Variants in UPF2 observed in about 807,000 individuals in gnomAD.
UPF2 encodes the protein UPF2 regulator of nonsense mediated mRNA decay, also known as regulator of nonsense transcripts 2.
In UPF2, 17 loss-of-function variants were observed where a neutral mutation model predicts 141.4. The observed-to-expected ratio is 0.12, with a 90% CI of 0.08 to 0.18. UPF2 has a LOEUF of 0.18. UPF2 is among the 10% of genes least tolerant of loss of function. The pLI, the probability that UPF2 is intolerant of heterozygous loss-of-function variation, is 1.00. For missense variants in UPF2, 1,152 were observed against 1,515.9 expected (o/e 0.76, Z 3.99); for synonymous variants, 540 against 498.0 (o/e 1.08, Z -1.12).
intron 2 of UPF2, among the ~76,000 whole-genome samples, chr10:12,031,621 T>C (rs917561566): frequency 6.6e-6 from 1 of 152,008 alleles, no homozygotes; most frequent in Non-Finnish European, 1.5e-5. Flanking sequence ...AAAAAAATTT[T>C]AAAAATTAGC....
Position 11,920,633 on chromosome 10 carries a change from TA to T in UPF2, c.*664del, listed in dbSNP as rs1018671265. The stretch of plus-strand genomic sequence containing the variant: ...TAGTCTCCACATTTTTCTTTTACCT[TA>T]ATAGGCAATTTTATAGCACTGACTC... On this transcript the variant is annotated 3_prime_UTR_variant, in exon 22 of 22. Transcript: ENST00000357604. 68 of 203,350 alleles carry T rather than the reference TA, an allele frequency of 3.3e-4. No individual in the cohort carries two copies. Among genetic ancestry groups the T allele is most frequent in the African/African-American group, 1.6e-3 (67 of 43,080 alleles). 12.6% of individuals were successfully genotyped at this position (203,350 alleles called of 1,614,324 possible). A position where few individuals can be genotyped will look rare whatever the true frequency, so the allele number is the denominator to read the frequency against.
At chr10:12,028,121 G>A (rs1834452656) in intron 3 of UPF2, among the ~76,000 whole-genome samples, 1 of 151,920 alleles carries the variant, frequency 6.6e-6, no homozygotes, top group African/African-American at 2.4e-5. Flanking sequence ...AACCAAAATT[G>A]GCCCCAAAGT....
At position 12,035,564 on chromosome 10, in the gene UPF2, G is replaced by T. The variant is rs112823707; in HGVS notation, c.-18-123C>A. ...AATTGTAAAAGAGTAAATAAAGGCA[G>T]GTAAAATGAATACTATTTCTGTTAC... is the stretch of plus-strand genomic sequence containing the variant. On this transcript the variant is annotated intron_variant, in intron 1 of 21. Coordinates refer to ENST00000357604, the MANE Select transcript of UPF2 (RefSeq NM_015542.4). 423 of 1,047,784 alleles carry T rather than the reference G, an allele frequency of 4.0e-4. 3 individuals are homozygous for T. In the African/African-American group the frequency reaches 5.7e-3, roughly 14 times the overall value. 64.9% of individuals were successfully genotyped at this position (1,047,784 alleles called of 1,614,324 possible). A position where few individuals can be genotyped will look rare whatever the true frequency, so the allele number is the denominator to read the frequency against.
At chr10:12,033,959 A>C (rs142114908) in intron 2 of UPF2, among the ~76,000 whole-genome samples, 1 of 152,324 alleles carries the variant, frequency 6.6e-6, no homozygotes, top group African/African-American at 2.4e-5. Context: ...TTTATTATTT[A>C]CTTGCACAGG....
At chr10:11,969,416 G>A (rs1476050287) in intron 9 of UPF2, among the ~76,000 whole-genome samples, 4 of 152,026 alleles carry the variant, frequency 2.6e-5, no homozygotes, top group East Asian at 1.9e-4. Flanking sequence ...TGATCCACCC[G>A]CCTCGGCCTC....
At chr10:11,938,874 T>G (rs954934960) in intron 18 of UPF2, among the ~76,000 whole-genome samples, 3 of 109,022 alleles carry the variant, frequency 2.8e-5, no homozygotes, top group East Asian at 7.7e-4. Context: ...TTTTTTTTTT[T>G]TTTTTTTTGG....
At chr10:12,031,906 C>A (rs532377490) in intron 2 of UPF2, among the ~76,000 whole-genome samples, 1 of 152,254 alleles carries the variant, frequency 6.6e-6, no homozygotes, top group South Asian at 2.1e-4. Context: ...AGAAAGGTGG[C>A]CTCTATCACT....
At chr10:12,041,833 T>C (rs978518324) in intron 1 of UPF2, among the ~76,000 whole-genome samples, 1 of 152,172 alleles carries the variant, frequency 6.6e-6, no homozygotes, top group African/African-American at 2.4e-5. Flanking sequence ...GGAAATGAGA[T>C]AAAGCGTCAG....
intron 15 of UPF2, among the ~76,000 whole-genome samples, chr10:11,951,654 G>C (rs953443697): frequency 6.6e-6 from 1 of 152,166 alleles, no homozygotes; most frequent in African/African-American, 2.4e-5. Flanking sequence ...CCAAACTTCT[G>C]ACAGGTACTC....
At chr10:12,033,474 A>G (rs1470117226) in intron 2 of UPF2, among the ~76,000 whole-genome samples, 11 of 152,146 alleles carry the variant, frequency 7.2e-5, no homozygotes, top group Non-Finnish European at 1.6e-4. Context: ...TCAAGGCTGC[A>G]GTGAGCTGGC....
chr10:11,927,212 T>A (rs1342485798), intron 21 of UPF2, among the ~76,000 whole-genome samples: 1 of 152,100 alleles, frequency 6.6e-6, no homozygotes, highest in East Asian at 1.9e-4. Flanking sequence ...GTCATCCAAC[T>A]CCATAGTGAG....
chr10:12,041,748 T>C (rs1198129030), intron 1 of UPF2, among the ~76,000 whole-genome samples: 1 of 152,180 alleles, frequency 6.6e-6, no homozygotes, highest in Non-Finnish European at 1.5e-5. Flanking sequence ...ATAAAGGACG[T>C]ATTAAGAACT....
intron 3 of UPF2, among the ~76,000 whole-genome samples, chr10:12,024,453 T>C (rs530315533): frequency 6.6e-6 from 1 of 151,290 alleles, no homozygotes; most frequent in South Asian, 2.1e-4. Context: ...CTACTAAAAA[T>C]ACAAAAATTA....
chr10:11,957,353 C>T (rs971105884), intron 12 of UPF2, among the ~76,000 whole-genome samples: 3 of 151,798 alleles, frequency 2.0e-5, no homozygotes, highest in East Asian at 2.0e-4. Context: ...CACTTGAACC[C>T]GGGAGGCAGA....
intron 3 of UPF2, among the ~76,000 whole-genome samples, chr10:12,025,125 G>T (rs1282536061): frequency 1.3e-5 from 2 of 152,010 alleles, no homozygotes; most frequent in African/African-American, 4.8e-5. Context: ...CTCTATAGTG[G>T]CTGCTCAAGT....
At position 12,014,184 on chromosome 10, in the gene UPF2, C is replaced by A; in HGVS notation, c.1146G>T (p.Arg382Ser). ...RELQNTERQN[R>S]RILHSKGELS... Reference sequence around the variant, plus strand: ...GCTCCCCTTTAGAATGTAGAATGCGCCTATAAACAAATGAAATCATCTGAC... The same window carrying A: ...GCTCCCCTTTAGAATGTAGAATGCGACTATAAACAAATGAAATCATCTGAC... Residue 382 changes from arginine (R) to serine (S), a missense_variant and splice_region_variant, in exon 4 of 22, where the codon AGG (arginine) becomes AGT (serine). Physicochemically the swap from Arg to Ser is moderately radical, Grantham distance 110. Transcript: ENST00000357604. The surrounding 1 kb of genome is among the most constrained non-coding windows in gnomAD (Gnocchi z 5.0). The A allele has an allele frequency of 7.1e-7, 1 of 1,409,878 alleles. No homozygotes were observed. Among genetic ancestry groups the A allele is most frequent in the Non-Finnish European group, 9.4e-7 (1 of 1,067,328 alleles). 87.3% of individuals were successfully genotyped at this position (1,409,878 alleles called of 1,614,324 possible).
At chr10:11,930,490 G>A (rs1445374312) in intron 20 of UPF2, among the ~76,000 whole-genome samples, 1 of 152,238 alleles carries the variant, frequency 6.6e-6, no homozygotes, top group African/African-American at 2.4e-5. Flanking sequence ...CATTAAGAAT[G>A]TTGGAGCCGG....
chr10:11,930,846 C>G (rs887176471), intron 20 of UPF2, among the ~76,000 whole-genome samples: 4 of 152,128 alleles, frequency 2.6e-5, no homozygotes, highest in African/African-American at 9.7e-5. Flanking sequence ...AGATTGGAAA[C>G]CACAAATACT....
chr10:12,036,012 C>T (rs1044818985), intron 1 of UPF2: 1 of 152,212 alleles, frequency 6.6e-6, no homozygotes, highest in Non-Finnish European at 1.5e-5. Context: ...CTTTCAGATA[C>T]AAAAACTGTT....
Sources: allele counts gnomAD v4.1 joint callset (sites outside exome capture counted in the v4.1 genomes callset), GRCh38; gene constraint gnomAD v4.1.1; non-coding constraint Gnocchi (gnomAD v3.1); transcripts MANE v1.5; gene names NCBI Gene and HGNC (gene_info 2026-07-23, HGNC 2026-07-21).